The following PRKAG2 variants were observed in gnomAD, a reference collection of about 807,000 sequenced individuals.
PRKAG2 encodes the protein 5'-AMP-activated protein kinase subunit gamma-2.
A neutral mutation model predicts 69.6 loss-of-function variants in PRKAG2; 26 were observed. The observed-to-expected ratio is 0.37, with a 90% CI of 0.27 to 0.52. The LOEUF (loss-of-function observed/expected upper bound fraction) is 0.52, where lower values mean the gene tolerates loss of function less well. Ranked by LOEUF, PRKAG2 falls within the 20% of genes least tolerant of loss-of-function variation. PRKAG2 has a pLI of 0.90. For synonymous variants in PRKAG2, 293 were observed against 285.0 expected, an observed-to-expected ratio of 1.03 and a Z score of -0.28; for missense variants, 557 against 740.0, an observed-to-expected ratio of 0.75 and a Z score of 2.87.
chr7:151,617,105 T>A (rs1445747304), intron 5 of PRKAG2, among the ~76,000 whole-genome samples: 2 of 151,738 alleles, frequency 1.3e-5, no homozygotes, highest in African/African-American at 4.8e-5. Flanking sequence ...ACTAAAAGAA[T>A]ACAAAATTAG....
intron 5 of PRKAG2, 126 bp from the exon 6 acceptor site, chr7:151,595,580 C>A (rs1009514066): frequency 2.7e-6 from 2 of 733,600 alleles, no homozygotes; most frequent in South Asian, 1.5e-5. Context: ...CCAGTATGAT[C>A]AAGGGCCAGG....
At chr7:151,844,465 C>T (rs541503314) in intron 1 of PRKAG2, among the ~76,000 whole-genome samples, 1 of 152,308 alleles carries the variant, frequency 6.6e-6, no homozygotes, top group East Asian at 1.9e-4. Context: ...TAAAAACCCT[C>T]CCACCTGGGT....
chr7:151,557,002 A>G lies in PRKAG2; in HGVS notation c.*199T>C. The G allele has an allele frequency of 1.3e-6, 1 of 797,350 alleles. No individual in the cohort carries two copies. The highest frequency in any genetic ancestry group is 2.4e-4 in the Middle Eastern group (1 of 4,200). The allele number at this position is 797,350 out of a possible 1,614,324, so 49.4% of individuals were successfully genotyped here. A position where few individuals can be genotyped will look rare whatever the true frequency, so the allele number is the denominator to read the frequency against. On this transcript the variant is annotated 3_prime_UTR_variant, in exon 16 of 16. Transcript: ENST00000287878. ...ATCCTTCAGACAAAGGTCTGAAAAC[A>G]GTCTTTTAATGCAAGCCTGAATCTT...
chr7:151,719,117 C>T lies in PRKAG2; in HGVS notation c.467-43480G>A, dbSNP rs1378013277. Among the ~76,000 whole-genome samples the T allele has an allele frequency of 6.6e-6, 1 of 152,204 alleles. No homozygotes were observed. Among genetic ancestry groups the T allele is most frequent in the African/African-American group, 2.4e-5 (1 of 41,462 alleles). ...TGAAGGAGACGTGTGCCACCCTGTT[C>T]CCCGAGCGTTGCTCCGGGAGACGAG... On this transcript the variant is annotated intron_variant, in intron 3 of 15. Transcript: ENST00000287878. The surrounding 1 kb of genome is among the most constrained non-coding windows in gnomAD (Gnocchi z 5.2).
intron 3 of PRKAG2, among the ~76,000 whole-genome samples, chr7:151,779,782 C>G (rs1238765544): frequency 6.6e-6 from 1 of 152,216 alleles, no homozygotes; most frequent in Non-Finnish European, 1.5e-5. Context: ...CGCACACATC[C>G]TCCTTCTCTT....
intron 3 of PRKAG2, among the ~76,000 whole-genome samples, chr7:151,757,828 C>T (rs1487166196): frequency 1.3e-5 from 2 of 152,190 alleles, no homozygotes; most frequent in Admixed American, 6.5e-5. Flanking sequence ...ACAATAGAAT[C>T]GAAAATAAAG....
intron 1 of PRKAG2, among the ~76,000 whole-genome samples, chr7:151,831,182 G>A (rs1391910883): frequency 6.6e-5 from 10 of 152,182 alleles, no homozygotes; most frequent in Admixed American, 6.5e-4. Flanking sequence ...GCCTGGCAGT[G>A]CCTCAGAAGT....
intron 3 of PRKAG2, among the ~76,000 whole-genome samples, chr7:151,757,891 T>C (rs2075191199): frequency 6.6e-6 from 1 of 152,266 alleles, no homozygotes; most frequent in Admixed American, 6.5e-5. Flanking sequence ...TGATGTGTTG[T>C]ATGTGCTGGA....
At position 151,781,326 on chromosome 7, in the gene PRKAG2, T is replaced by C. The variant is rs1243030792; in HGVS notation, c.292A>G (p.Ser98Gly). ...AACACGGTTTTGGGAGAGCCGGGGC[T>C]GGTCTTGGGCCTCACAGGTGCAGAC... ...PMSAPVRPKT[S>G]PGSPKTVFPF... Residue 98 changes from serine (S) to glycine (G), a missense_variant, in exon 3 of 16, where the codon AGC becomes GGC. This residue lies in a region of PRKAG2 where 352 missense variants were observed against 356.7 expected (regional missense o/e 0.99). Transcript: ENST00000287878. This position sits in a 1 kb window ranked among gnomAD's most constrained non-coding sequence, Gnocchi z 6.1. 4 of 1,613,842 alleles carry C rather than the reference T, an allele frequency of 2.5e-6. No individual in the cohort carries two copies. The highest frequency in any genetic ancestry group is 3.4e-6 in the Non-Finnish European group (4 of 1,179,982).
At chr7:151,562,779 G>A (rs1235335235) in intron 14 of PRKAG2, among the ~76,000 whole-genome samples, 4 of 151,820 alleles carry the variant, frequency 2.6e-5, no homozygotes, top group East Asian at 1.9e-4. Flanking sequence ...CATCCTGGCT[G>A]ACAAGGTGAA....
intron 3 of PRKAG2, among the ~76,000 whole-genome samples, chr7:151,698,020 G>T (rs1836986254): frequency 6.6e-6 from 1 of 152,296 alleles, no homozygotes; most frequent in Non-Finnish European, 1.5e-5. Context: ...CCAGCCCCCT[G>T]GGAAGCAGGC....
At chr7:151,867,319 A>G (rs527303096) in intron 1 of PRKAG2, among the ~76,000 whole-genome samples, 22 of 152,258 alleles carry the variant, frequency 1.4e-4, no homozygotes, top group African/African-American at 5.3e-4. Context: ...GGATTCTCTC[A>G]TTGCTCTAGA....
chr7:151,769,490 G>T (rs1397416482), intron 3 of PRKAG2, among the ~76,000 whole-genome samples: 2 of 152,198 alleles, frequency 1.3e-5, no homozygotes, highest in Non-Finnish European at 2.9e-5. Context: ...CTGAAGTTAC[G>T]CATCTACGAG....
intron 5 of PRKAG2, among the ~76,000 whole-genome samples, chr7:151,619,037 A>G (rs1308602004): frequency 6.6e-6 from 1 of 152,240 alleles, no homozygotes; most frequent in Non-Finnish European, 1.5e-5. Context: ...AAGCACAGGC[A>G]GGATCAAGGC....
chr7:151,571,293 G>A (rs567452834), intron 9 of PRKAG2, among the ~76,000 whole-genome samples: 15 of 151,892 alleles, frequency 9.9e-5, no homozygotes, highest in Non-Finnish European at 1.5e-4. Context: ...GGCTGGTCTC[G>A]AACTCCTGAC....
intron 3 of PRKAG2, among the ~76,000 whole-genome samples, chr7:151,729,029 T>C (rs1308127910): frequency 6.6e-6 from 1 of 151,542 alleles, no homozygotes; most frequent in South Asian, 2.2e-4. Flanking sequence ...ACTCCGGGAG[T>C]CCTCGGGGAG....
chr7:151,857,347 G>A (rs1300947682), intron 1 of PRKAG2, among the ~76,000 whole-genome samples: 1 of 146,724 alleles, frequency 6.8e-6, no homozygotes, highest in Non-Finnish European at 1.5e-5. Flanking sequence ...GCCCAGGTCC[G>A]CCTGTGAGAG....
In PRKAG2 at chr7:151,755,758, G is replaced by C. The variant is rs184555885; in HGVS notation, c.466+25394C>G. ...TTACAGGAAACATTTGTCAACTGCT[G>C]TTTGAAGAGACTCCTCTCCTTGCTG... is the stretch of plus-strand genomic sequence containing the variant. On this transcript the variant is annotated intron_variant, in intron 3 of 15. Coordinates refer to ENST00000287878, the MANE Select transcript of PRKAG2 (RefSeq NM_016203.4). 3.6e-4 allele frequency among the ~76,000 whole-genome samples: 55 copies of C among 152,324 alleles called. No homozygotes were observed. The East Asian group carries it at 5.0e-3, about 14-fold the overall frequency.
intron 1 of PRKAG2, among the ~76,000 whole-genome samples, chr7:151,845,889 C>T (rs1173802963): frequency 6.6e-6 from 1 of 152,192 alleles, no homozygotes; most frequent in Non-Finnish European, 1.5e-5. Context: ...GTCCCTCTCC[C>T]GGCATCTGGG....
Sources: gnomAD v4.1 joint callset for allele counts (sites outside exome capture counted in the v4.1 genomes callset) on GRCh38, gnomAD v4.1.1 for gene constraint, gnomAD v4.1.1 regional missense constraint, Gnocchi (gnomAD v3.1) non-coding constraint, MANE v1.5 for transcripts, NCBI Gene and HGNC (gene_info 2026-07-23, HGNC 2026-07-21) for gene names.